CAMK4: variants seen among roughly 807,000 people sequenced by gnomAD.
The protein encoded by CAMK4 is calcium/calmodulin dependent protein kinase IV.
A neutral mutation model predicts 44.9 loss-of-function variants in CAMK4; 22 were observed. That is an observed-to-expected ratio of 0.49 (90% CI 0.35 to 0.70). CAMK4 has a LOEUF of 0.70. Among genes scored for constraint, CAMK4 ranks in the 30% least tolerant of loss-of-function variants. The pLI is 0.01. For synonymous variants in CAMK4, 218 were observed against 215.4 expected, an observed-to-expected ratio of 1.01 and a Z score of -0.11; for missense variants, 498 against 586.8, an observed-to-expected ratio of 0.85 and a Z score of 1.56.
intron 5 of CAMK4, among the ~76,000 whole-genome samples, chr5:111,427,924 T>C (rs1006748809): frequency 3.9e-5 from 6 of 152,220 alleles, no homozygotes; most frequent in African/African-American, 1.4e-4. Context: ...TATAGCAGGG[T>C]TTGGGCAAGA....
chr5:111,311,173 C>T (rs73786889), intron 1 of CAMK4, among the ~76,000 whole-genome samples: 2,256 of 152,008 alleles, frequency 0.015, 55 homozygotes, highest in African/African-American at 0.051. Context: ...TGCAAGGGAA[C>T]GTGACATCGG....
rs749491419 is a variant in CAMK4, at chr5:111,482,950, A to ATATTTTGTTT, written c.981+15_981+24dup. On this transcript the variant is annotated intron_variant, in intron 10 of 10. Transcript: ENST00000282356. The surrounding 1 kb of genome is among the most constrained non-coding windows in gnomAD (Gnocchi z 4.9). ...GCGTAAGCTTAAGGTAAGATAGCAT[A>ATATTTTGTTT]TATTTTGTTTTGTTTTGTTTTGTTT... is the stretch of plus-strand genomic sequence containing the variant. 3.2e-6 allele frequency: 5 copies of ATATTTTGTTT among 1,583,962 alleles called. No homozygotes were observed. In the South Asian group the frequency reaches 5.9e-5, roughly 19 times the overall value.
In CAMK4 at chr5:111,362,309, G is replaced by A. The variant is rs530901983; in HGVS notation, c.241-12541G>A. Among the ~76,000 whole-genome samples the A allele has an allele frequency of 3.3e-5, 5 of 152,104 alleles. No homozygotes were observed. In the South Asian group the frequency reaches 8.3e-4, roughly 25 times the overall value. On this transcript the variant is annotated intron_variant, in intron 2 of 10. Transcript: ENST00000282356. ...AGGATGCTGATTATAGAATATATTA[G>A]TAATAAATCTTAAGGAATCATTCAT...
chr5:111,422,095 G>A (rs188883161), intron 5 of CAMK4, among the ~76,000 whole-genome samples: 11 of 152,242 alleles, frequency 7.2e-5, no homozygotes, highest in African/African-American at 2.6e-4. Flanking sequence ...TGTGAGAACG[G>A]ACTAATACAG....
At chr5:111,451,033 G>A (rs528857990) in intron 7 of CAMK4, among the ~76,000 whole-genome samples, 1 of 152,200 alleles carries the variant, frequency 6.6e-6, no homozygotes, top group Non-Finnish European at 1.5e-5. Context: ...TAGGCGAAGT[G>A]CGATAATATA....
chr5:111,277,220 G>A (rs1255288733), intron 1 of CAMK4, among the ~76,000 whole-genome samples: 2 of 152,230 alleles, frequency 1.3e-5, no homozygotes, highest in African/African-American at 4.8e-5. Flanking sequence ...TCCTTGAGAT[G>A]TCAACTGTGG....
rs540843672 is a variant in CAMK4 at position 111,419,012 on chromosome 5, C to T, written c.459+24230C>T. 1.0e-3 allele frequency among the ~76,000 whole-genome samples: 158 copies of T among 152,156 alleles called. 1 individual carries two copies. The highest frequency in any genetic ancestry group is 0.01 in the Middle Eastern group (3 of 294). The stretch of plus-strand genomic sequence containing the variant: ...TTCTAGTTCTAGATCCCTGAGGAAT[C>T]GCCACACTGACTTCCACAATGGTTG... On this transcript the variant is annotated intron_variant, in intron 5 of 10. Transcript: ENST00000282356.
At chr5:111,250,606 T>A (rs1749443794) in intron 1 of CAMK4, among the ~76,000 whole-genome samples, 1 of 152,212 alleles carries the variant, frequency 6.6e-6, no homozygotes, top group Non-Finnish European at 1.5e-5. Context: ...TTCATCCCTG[T>A]AGTATCCATT....
At position 111,488,139 on chromosome 5, in the gene CAMK4, G is replaced by A. The variant is rs1410061451; in HGVS notation, c.*3673G>A. 3.9e-5 allele frequency: 6 copies of A among 152,188 alleles called. No homozygotes were observed. In the East Asian group the frequency reaches 1.2e-3, roughly 29 times the overall value. The allele number at this position is 152,188 out of a possible 1,614,324, so 9.4% of individuals were successfully genotyped here. ...TCAGGAAGAACTGCACATAGAATCT[G>A]ATTTTGAGGCCTGGATTAAGCTTCA... is the stretch of plus-strand genomic sequence containing the variant. On this transcript the variant is annotated 3_prime_UTR_variant, in exon 11 of 11. Coordinates refer to ENST00000282356, the MANE Select transcript of CAMK4 (RefSeq NM_001744.6).
chr5:111,314,057 C>A (rs184167426), intron 1 of CAMK4, among the ~76,000 whole-genome samples: 1 of 151,876 alleles, frequency 6.6e-6, no homozygotes, highest in Non-Finnish European at 1.5e-5. Context: ...TCTGTAGAAG[C>A]CACTCCCCAA....
intron 1 of CAMK4, among the ~76,000 whole-genome samples, chr5:111,326,890 G>C (rs1286865345): frequency 6.6e-6 from 1 of 151,830 alleles, no homozygotes. Context: ...TGGCAACAGT[G>C]TGTCATGAAA....
At chr5:111,472,191 A>G (rs2112485824) in intron 7 of CAMK4, among the ~76,000 whole-genome samples, 1 of 152,140 alleles carries the variant, frequency 6.6e-6, no homozygotes, top group South Asian at 2.1e-4. Context: ...CACTGTGCCC[A>G]GCCCCAGAGC....
chr5:111,383,734 G>A (rs1443626521), intron 4 of CAMK4, among the ~76,000 whole-genome samples: 1 of 151,854 alleles, frequency 6.6e-6, no homozygotes, highest in Non-Finnish European at 1.5e-5. Flanking sequence ...CAAAGTGCTG[G>A]GATTACAAGC....
At chr5:111,237,678 A>G (rs1748790358) in intron 1 of CAMK4, among the ~76,000 whole-genome samples, 1 of 152,236 alleles carries the variant, frequency 6.6e-6, no homozygotes, top group African/African-American at 2.4e-5. Flanking sequence ...CTTTTAGAAA[A>G]GAATCATTCT....
At chr5:111,277,313 T>C (rs541718848) in intron 1 of CAMK4, among the ~76,000 whole-genome samples, 12 of 152,294 alleles carry the variant, frequency 7.9e-5, no homozygotes, top group African/African-American at 2.6e-4. Context: ...CTTGTAGCAG[T>C]TGGCTAAAAA....
chr5:111,385,614 C>G (rs1299044866), intron 4 of CAMK4, among the ~76,000 whole-genome samples: 1 of 152,092 alleles, frequency 6.6e-6, no homozygotes, highest in East Asian at 1.9e-4. Flanking sequence ...CCCTCTGTCG[C>G]CCAGGCTGGA....
At chr5:111,342,799 A>G (rs1301131456) in intron 1 of CAMK4, among the ~76,000 whole-genome samples, 1 of 151,548 alleles carries the variant, frequency 6.6e-6, no homozygotes, top group Non-Finnish European at 1.5e-5. Context: ...GTTACATAAT[A>G]TGCATCTTTA....
At chr5:111,445,299 T>C (rs1753986093) in intron 5 of CAMK4, among the ~76,000 whole-genome samples, 1 of 152,196 alleles carries the variant, frequency 6.6e-6, no homozygotes, top group Non-Finnish European at 1.5e-5. Context: ...AAAGATATTT[T>C]GTTAAGCAGA....
chr5:111,228,918 A>C (rs1348400797), intron 1 of CAMK4, among the ~76,000 whole-genome samples: 2 of 152,172 alleles, frequency 1.3e-5, no homozygotes, highest in Admixed American at 1.3e-4. Flanking sequence ...GTGTCTCCCT[A>C]AGGTCTGCTG....
Sources: allele counts gnomAD v4.1 joint callset (sites outside exome capture counted in the v4.1 genomes callset), GRCh38; gene constraint gnomAD v4.1.1; non-coding constraint Gnocchi (gnomAD v3.1); transcripts MANE v1.5; gene names NCBI Gene and HGNC (gene_info 2026-07-23, HGNC 2026-07-21).